The following TSPEAR variants were observed in gnomAD, a reference collection of about 807,000 sequenced individuals.
The protein encoded by TSPEAR is thrombospondin-type laminin G domain and EAR repeat-containing protein.
Under a neutral mutation model 71.6 loss-of-function variants are expected in TSPEAR, and 69 were observed. The ratio of observed to expected loss-of-function variants is 0.96; its 90% CI spans 0.79 to 1.18. TSPEAR has a LOEUF of 1.18. Among genes scored for constraint, TSPEAR ranks in the 50% most tolerant of loss-of-function variants. The pLI, the probability that TSPEAR is intolerant of heterozygous loss-of-function variation, is 0.00. For missense variants in TSPEAR, 971 were observed against 894.9 expected, an observed-to-expected ratio of 1.09 and a Z score of -1.09; for synonymous variants, 402 against 387.2, an observed-to-expected ratio of 1.04 and a Z score of -0.45.
chr21:44,709,587 C>A (rs1001738826), intron 1 of TSPEAR, among the ~76,000 whole-genome samples: 1 of 152,274 alleles, frequency 6.6e-6, no homozygotes, highest in African/African-American at 2.4e-5. Flanking sequence ...GCCTCGCGAC[C>A]GCCTGTGACC....
chr21:44,705,571 C>A (rs1987870869), intron 1 of TSPEAR, among the ~76,000 whole-genome samples: 2 of 152,094 alleles, frequency 1.3e-5, no homozygotes, highest in Non-Finnish European at 2.9e-5. Context: ...CTGAACTGGC[C>A]CCCCCGGGGC....
At chr21:44,647,358 G>T in intron 1 of TSPEAR, 3 of 1,612,708 alleles carry the variant, frequency 1.9e-6, no homozygotes, top group South Asian at 1.1e-5. Flanking sequence ...GCTGCTGAGT[G>T]CTCAATCCTT....
intron 1 of TSPEAR, among the ~76,000 whole-genome samples, chr21:44,679,531 GA>G (rs1386826156): frequency 1.3e-5 from 2 of 152,160 alleles, no homozygotes; most frequent in East Asian, 3.8e-4. Context: ...ATGTTTCACA[GA>G]AGTAGAAAAA....
chr21:44,646,560 C>A, intron 1 of TSPEAR: 1 of 1,612,524 alleles, frequency 6.2e-7, no homozygotes, highest in Non-Finnish European at 8.5e-7. Context: ...GCAGCGCCCC[C>A]AGCTGCTGCG....
intron 1 of TSPEAR, chr21:44,677,482 C>T: frequency 2.4e-6 from 2 of 830,028 alleles, no homozygotes; most frequent in South Asian, 2.8e-5. Context: ...TCAGTTTTAA[C>T]TTGTTCTTGT....
rs587625935 is a variant in TSPEAR at position 44,539,406 on chromosome 21, A to G, written c.304-5483T>C. The G allele has an allele frequency of 3.3e-4, 525 of 1,602,236 alleles. 1 individual carries two copies. The African/African-American group carries it at 5.3e-3, about 16-fold the overall frequency. On this transcript the variant is annotated intron_variant, in intron 2 of 11. Transcript: ENST00000323084. ...GAGGAGGCAGGGGCACAGCAGGAGG[A>G]GACAGGCATACAGCAGGCGGGCCGG...
intron 9 of TSPEAR, among the ~76,000 whole-genome samples, chr21:44,512,116 T>C (rs2052402814): frequency 6.6e-6 from 1 of 152,028 alleles, no homozygotes; most frequent in South Asian, 2.1e-4. Flanking sequence ...CACACAGGAC[T>C]GAGGGAGCCA....
At chr21:44,681,921 G>T in intron 1 of TSPEAR, 1 of 1,614,088 alleles carries the variant, frequency 6.2e-7, no homozygotes, top group South Asian at 1.1e-5. Context: ...CTGGCAGGAG[G>T]GAGCCGCATA....
At chr21:44,532,115 G>A (rs587596202) in intron 3 of TSPEAR, among the ~76,000 whole-genome samples, 151 of 152,318 alleles carry the variant, frequency 9.9e-4, no homozygotes, top group African/African-American at 3.2e-3. Flanking sequence ...TGTACCCTCC[G>A]TAGCAGCCTG....
In TSPEAR at chr21:44,499,792, C is replaced by T. The variant is rs782513481; in HGVS notation, c.2001G>A (p.Arg667=). The part of the protein sequence containing the change: ...KEPLSRVLRL[R]TR ...CCGGGCAGCCGCGGCCTCAGCGTGT[C>T]CTCAGCCGCAGGACCCTGGAGAGGG... The change falls in exon 12 of 12, where the codon AGG becomes AGA. Residue 667 remains arginine (R), a synonymous_variant. Transcript: ENST00000323084. 3.8e-6 allele frequency: 6 copies of T among 1,568,646 alleles called. No homozygotes were observed. The East Asian group carries it at 7.1e-5, about 19-fold the overall frequency.
intron 1 of TSPEAR, chr21:44,681,879 C>T (rs550094702): frequency 1.2e-6 from 2 of 1,614,026 alleles, no homozygotes; most frequent in Middle Eastern, 1.7e-4. Flanking sequence ...GCAGAGGACG[C>T]TGGTGCAGGA....
chr21:44,527,890 G>A (rs1404108367), intron 6 of TSPEAR, among the ~76,000 whole-genome samples: 4 of 152,114 alleles, frequency 2.6e-5, no homozygotes, highest in East Asian at 3.9e-4. Flanking sequence ...AGCATCTATC[G>A]CCACCTCCAC....
chr21:44,580,663 G>A (rs1978910660), intron 1 of TSPEAR: 11 of 1,397,870 alleles, frequency 7.9e-6, no homozygotes, highest in Non-Finnish European at 9.9e-6. Flanking sequence ...GAGTGAGTGA[G>A]TGAGGTGCTC....
In TSPEAR at chr21:44,614,585, A is replaced by C. The variant is rs1243027564; in HGVS notation, c.83-46580T>G. 2.0e-5 allele frequency among the ~76,000 whole-genome samples: 3 copies of C among 152,082 alleles called. No individual in the cohort carries two copies. In the East Asian group the frequency reaches 5.8e-4, roughly 29 times the overall value. ...TGTGGCCGGGCTCCGGAACGTTCCT[A>C]CTGGCCCCTCTCCCCTCTGACGGGG... is the stretch of plus-strand genomic sequence containing the variant. On this transcript the variant is annotated intron_variant, in intron 1 of 11. Coordinates refer to ENST00000323084, the MANE Select transcript of TSPEAR (RefSeq NM_144991.3).
intron 1 of TSPEAR, chr21:44,654,183 G>T: frequency 1.9e-6 from 2 of 1,027,054 alleles, no homozygotes; most frequent in Non-Finnish European, 3.0e-6. Context: ...ACGACAGTTT[G>T]CTGTGGGAGG....
intron 1 of TSPEAR, among the ~76,000 whole-genome samples, chr21:44,572,736 G>A (rs1555922750): frequency 6.6e-6 from 1 of 151,590 alleles, no homozygotes; most frequent in East Asian, 1.9e-4. Flanking sequence ...GACCCTATAT[G>A]GAAATAGGGT....
At chr21:44,519,790 T>A (rs2052694339) in intron 9 of TSPEAR, 1 of 152,254 alleles carries the variant, frequency 6.6e-6, no homozygotes, top group Non-Finnish European at 1.5e-5. Context: ...AGCCTCTGTG[T>A]CCTTGTGGAT....
intron 1 of TSPEAR, among the ~76,000 whole-genome samples, chr21:44,645,715 T>C (rs2838612): frequency 0.54 from 82,583 of 152,010 alleles, 22,533 homozygotes; most frequent in East Asian, 0.61. Flanking sequence ...TTTTTCTCCA[T>C]GTTTATGTTT....
At chr21:44,657,265 CA>C (rs1985206410) in intron 1 of TSPEAR, among the ~76,000 whole-genome samples, 2 of 152,206 alleles carry the variant, frequency 1.3e-5, no homozygotes, top group African/African-American at 4.8e-5. Flanking sequence ...CTCTTGAGGC[CA>C]AGACCTCGTT....
Sources: allele counts gnomAD v4.1 joint callset (sites outside exome capture counted in the v4.1 genomes callset), GRCh38; gene constraint gnomAD v4.1.1; transcripts MANE v1.5; gene names NCBI Gene and HGNC (gene_info 2026-07-23, HGNC 2026-07-21).